The following RBFOX3 variants were observed in gnomAD, a reference collection of about 807,000 sequenced individuals.
RBFOX3 encodes RNA binding fox-1 homolog 3, also known as RNA binding protein fox-1 homolog 3.
A neutral mutation model predicts 48.7 loss-of-function variants in RBFOX3; 17 were observed. The ratio of observed to expected loss-of-function variants is 0.35; its 90% CI spans 0.24 to 0.52. RBFOX3 has a LOEUF of 0.52. Ranked by LOEUF, RBFOX3 falls within the 20% of genes least tolerant of loss-of-function variation. The pLI, the probability that RBFOX3 is intolerant of heterozygous loss-of-function variation, is 0.94. For synonymous variants in RBFOX3, 212 were observed against 209.5 expected, an observed-to-expected ratio of 1.01 and a Z score of -0.10; for missense variants, 382 against 497.5, an observed-to-expected ratio of 0.77 and a Z score of 2.21.
chr17:79,379,371 GGAAAAGTC>G (rs1295482720), intron 2 of RBFOX3, among the ~76,000 whole-genome samples: 4 of 152,052 alleles, frequency 2.6e-5, no homozygotes, highest in African/African-American at 9.7e-5. Context: ...TCCTATGAAT[GGAAAAGTC>G]GAAGAAGGGG....
chr17:79,152,365 C>G (rs2044729617), intron 4 of RBFOX3, among the ~76,000 whole-genome samples: 1 of 152,106 alleles, frequency 6.6e-6, no homozygotes, highest in Admixed American at 6.5e-5. Context: ...CCAGAGAAAT[C>G]AAAGCACTGT....
intron 4 of RBFOX3, among the ~76,000 whole-genome samples, chr17:79,156,985 C>A (rs1230695652): frequency 2.6e-5 from 4 of 152,206 alleles, no homozygotes; most frequent in Non-Finnish European, 4.4e-5. Context: ...CAGAGCCACA[C>A]TGTCTGGTCT....
chr17:79,660,266 C>A, the RBFOX3 span, among the ~76,000 whole-genome samples: 1 of 152,148 alleles, frequency 6.6e-6, no homozygotes, highest in Non-Finnish European at 1.5e-5. Context: ...ATGACAAAAA[C>A]ACCGAAAGCA....
At chr17:79,367,923 C>T (rs142424795) in intron 2 of RBFOX3, among the ~76,000 whole-genome samples, 67 of 152,280 alleles carry the variant, frequency 4.4e-4, no homozygotes, top group African/African-American at 1.5e-3. Flanking sequence ...TGGGACATCC[C>T]GGCATGACTC....
At chr17:79,354,397 G>GGAAATTT (rs1394536479) in intron 2 of RBFOX3, among the ~76,000 whole-genome samples, 2 of 152,330 alleles carry the variant, frequency 1.3e-5, no homozygotes, top group South Asian at 4.1e-4. Context: ...AGACTGATGG[G>GGAAATTT]GAAATTTGCT....
At chr17:79,405,093 C>A (rs776345872) in intron 2 of RBFOX3, among the ~76,000 whole-genome samples, 31 of 152,282 alleles carry the variant, frequency 2.0e-4, no homozygotes, top group South Asian at 1.2e-3. Context: ...CAAAAATAGC[C>A]CTTTACGTAT....
the RBFOX3 span, among the ~76,000 whole-genome samples, chr17:79,648,253 C>G: frequency 6.6e-6 from 1 of 152,134 alleles, no homozygotes; most frequent in Admixed American, 6.5e-5. Context: ...ATGGGACTGG[C>G]AAGAGTACCT....
At chr17:79,580,364 TCCCAC>T (rs2093017037) in intron 1 of RBFOX3, among the ~76,000 whole-genome samples, 2 of 147,528 alleles carry the variant, frequency 1.4e-5, no homozygotes, top group Non-Finnish European at 3.0e-5. Flanking sequence ...AACTCCCTCA[TCCCAC>T]CCCGAGCAAC....
At position 79,535,658 on chromosome 17, in the gene RBFOX3, GAC is replaced by G. The variant is rs1469277608; in HGVS notation, c.-319-53062_-319-53061del. Among the ~76,000 whole-genome samples the G allele has an allele frequency of 6.6e-6, 1 of 152,182 alleles. No individual in the cohort carries two copies. The highest frequency in any genetic ancestry group is 1.9e-4 in the East Asian group (1 of 5,196). ...CAAGGCAGGATAGCCAGCCCACAAA[GAC>G]ACAGTATGCGCAGCCAGGCAAGGTT... On this transcript the variant is annotated intron_variant, in intron 1 of 14. Coordinates refer to ENST00000693108, the MANE Select transcript of RBFOX3 (RefSeq NM_001350451.2). This position sits in a 1 kb window ranked among gnomAD's most constrained non-coding sequence, Gnocchi z 4.5.
chr17:79,227,952 G>C (rs983022679), intron 4 of RBFOX3, among the ~76,000 whole-genome samples: 1 of 152,182 alleles, frequency 6.6e-6, no homozygotes, highest in African/African-American at 2.4e-5. Context: ...CTTCTTTGTG[G>C]ACCTCCCCCT....
chr17:79,320,162 C>G (rs61089532), intron 2 of RBFOX3, among the ~76,000 whole-genome samples: 31,483 of 152,118 alleles, frequency 0.21, 4,126 homozygotes, highest in African/African-American at 0.36. Flanking sequence ...AGACTAGAGA[C>G]CTTTCCAGAA....
chr17:79,631,346 G>C, the RBFOX3 span, among the ~76,000 whole-genome samples: 3 of 152,148 alleles, frequency 2.0e-5, no homozygotes. Flanking sequence ...GGCAGTGAGA[G>C]TGATTCCAGG....
At chr17:79,404,082 A>T (rs1306619790) in intron 2 of RBFOX3, among the ~76,000 whole-genome samples, 1 of 152,036 alleles carries the variant, frequency 6.6e-6, no homozygotes, top group African/African-American at 2.4e-5. Context: ...CCGGCCCAGG[A>T]TGTTCATTTT....
the RBFOX3 span, among the ~76,000 whole-genome samples, chr17:79,620,572 T>C: frequency 2.4e-5 from 2 of 83,132 alleles, no homozygotes; most frequent in South Asian, 4.3e-4. Context: ...CACCCGCGCG[T>C]GCACACACGC....
intron 4 of RBFOX3, among the ~76,000 whole-genome samples, chr17:79,126,550 C>T (rs978171507): frequency 6.6e-6 from 1 of 152,150 alleles, no homozygotes; most frequent in African/African-American, 2.4e-5. Flanking sequence ...CTGACCTCCC[C>T]TGCCTGGAAG....
At chr17:79,590,686 G>A (rs902836971) in intron 1 of RBFOX3, among the ~76,000 whole-genome samples, 3 of 152,142 alleles carry the variant, frequency 2.0e-5, no homozygotes, top group Non-Finnish European at 2.9e-5. Context: ...ACCTGGCACC[G>A]AAAGTGGAGC....
chr17:79,494,672 CAT>C (rs1327000677), intron 1 of RBFOX3, among the ~76,000 whole-genome samples: 1 of 152,232 alleles, frequency 6.6e-6, no homozygotes, highest in African/African-American at 2.4e-5. Flanking sequence ...AGCTCAGAGA[CAT>C]AAACCCTCCC....
At chr17:79,419,893 G>A (rs144702613) in intron 2 of RBFOX3, among the ~76,000 whole-genome samples, 3,555 of 152,230 alleles carry the variant, frequency 0.023, 132 homozygotes, top group African/African-American at 0.081. Flanking sequence ...TTGGGAGGCC[G>A]AGGCAGGCAG....
chr17:79,492,792 C>T (rs905621418), intron 1 of RBFOX3, among the ~76,000 whole-genome samples: 43 of 152,120 alleles, frequency 2.8e-4, no homozygotes, highest in Admixed American at 3.3e-4. Flanking sequence ...GAGAAGAACG[C>T]GAAGTGAGAA....
Sources: gnomAD v4.1 joint callset for allele counts (sites outside exome capture counted in the v4.1 genomes callset) on GRCh38, gnomAD v4.1.1 for gene constraint, Gnocchi (gnomAD v3.1) non-coding constraint, MANE v1.5 for transcripts, NCBI Gene and HGNC (gene_info 2026-07-23, HGNC 2026-07-21) for gene names.